WDR70: variants seen among roughly 807,000 people sequenced by gnomAD.
The protein encoded by WDR70 is WD repeat-containing protein 70.
Under a neutral mutation model 88.6 loss-of-function variants are expected in WDR70, and 53 were observed. That is an observed-to-expected ratio of 0.60 (90% CI 0.48 to 0.75). WDR70 has a LOEUF of 0.75. WDR70 is among the 30% of genes least tolerant of loss of function. The pLI is 0.00. For synonymous variants in WDR70, 280 were observed against 270.0 expected (o/e 1.04, Z -0.36); for missense variants, 610 against 823.2 (o/e 0.74, Z 3.17).
chr5:37,398,613 A>AT (rs1356518276), intron 5 of WDR70, among the ~76,000 whole-genome samples: 1 of 152,116 alleles, frequency 6.6e-6, no homozygotes, highest in Non-Finnish European at 1.5e-5. Context: ...TCTAATTTCA[A>AT]TTTTGTACAT....
intron 10 of WDR70, among the ~76,000 whole-genome samples, chr5:37,685,226 A>G (rs1746550181): frequency 6.6e-6 from 1 of 152,020 alleles, no homozygotes; most frequent in Admixed American, 6.6e-5. Flanking sequence ...CTTACCAGTA[A>G]CAGTGTTAGG....
chr5:37,663,518 T>C (rs1031775038), intron 10 of WDR70, among the ~76,000 whole-genome samples: 2 of 152,226 alleles, frequency 1.3e-5, no homozygotes, highest in Non-Finnish European at 2.9e-5. Context: ...TGGGCCTTCC[T>C]GGCCTTGGCA....
rs565764284 is a variant in WDR70 at position 37,484,407 on chromosome 5, C to T, written c.840+4420C>T. On this transcript the variant is annotated intron_variant, in intron 8 of 17. Transcript: ENST00000265107. ...GTCTCCACCAAAAAAATATGAAAAC[C>T]AGTCAGGCGTGGCGGCGCGCGCCTG... 5.1e-3 allele frequency among the ~76,000 whole-genome samples: 769 copies of T among 152,268 alleles called. 7 individuals are homozygous for T. Among genetic ancestry groups the T allele is most frequent in the South Asian group, 6.6e-3 (32 of 4,830 alleles).
chr5:37,622,882 A>T (rs1423307697), intron 10 of WDR70, among the ~76,000 whole-genome samples: 1 of 152,220 alleles, frequency 6.6e-6, no homozygotes, highest in African/African-American at 2.4e-5. Flanking sequence ...CCTAAAACTT[A>T]ATGTATAATA....
chr5:37,537,522 T>C (rs1741700620), intron 9 of WDR70, among the ~76,000 whole-genome samples: 1 of 152,162 alleles, frequency 6.6e-6, no homozygotes, highest in Non-Finnish European at 1.5e-5. Context: ...GTACATATAT[T>C]ATCCTTGGAG....
chr5:37,467,605 T>C (rs1013979150), intron 7 of WDR70, among the ~76,000 whole-genome samples: 3 of 151,814 alleles, frequency 2.0e-5, no homozygotes, highest in Non-Finnish European at 4.4e-5. Context: ...GGCACAATCT[T>C]GGCTCACTAC....
At chr5:37,744,481 A>C (rs1473531463) in intron 17 of WDR70, among the ~76,000 whole-genome samples, 2 of 152,038 alleles carry the variant, frequency 1.3e-5, no homozygotes, top group African/African-American at 2.4e-5. Flanking sequence ...AAAAGCTATG[A>C]TGAGCTAAAG....
Position 37,701,115 on chromosome 5 carries a change from C to T in WDR70, c.1250C>T (p.Ala417Val), listed in dbSNP as rs752126505. 3.7e-6 allele frequency: 6 copies of T among 1,610,752 alleles called. No individual in the cohort carries two copies. The highest frequency in any genetic ancestry group is 5.1e-6 in the Non-Finnish European group (6 of 1,177,256). Residue 417 changes from alanine (A) to valine (V), a missense_variant, in exon 12 of 18, where the codon GCC (alanine) becomes GTC (valine). Physicochemically the swap from Ala to Val is moderately conservative, Grantham distance 64. This residue lies in a region of WDR70 where 254 missense variants were observed against 300.7 expected (regional missense o/e 0.84). Coordinates refer to ENST00000265107, the MANE Select transcript of WDR70 (RefSeq NM_018034.4). ...IRQFNKPLFS[A>V]SGLPTMFPMT... Reference sequence around the variant, plus strand: ...CAATTTAATAAACCACTTTTTTCAGCCTCGGGTCTTCCCACCATGTTCCCA... The same window carrying T: ...CAATTTAATAAACCACTTTTTTCAGTCTCGGGTCTTCCCACCATGTTCCCA...
intron 7 of WDR70, among the ~76,000 whole-genome samples, chr5:37,456,710 A>G (rs12516683): frequency 0.26 from 39,596 of 152,154 alleles, 5,760 homozygotes; most frequent in East Asian, 0.48. Flanking sequence ...TTACTTTTAC[A>G]ACTTACAAAG....
At chr5:37,610,127 G>A (rs568850827) in intron 10 of WDR70, among the ~76,000 whole-genome samples, 4 of 152,030 alleles carry the variant, frequency 2.6e-5, no homozygotes, top group Non-Finnish European at 4.4e-5. Flanking sequence ...TTAGCTGGGC[G>A]TGGTGGCAGG....
Position 37,542,375 on chromosome 5 carries a change from G to T in WDR70, c.917+25785G>T, listed in dbSNP as rs946199338. Among the ~76,000 whole-genome samples, 7 of 151,784 alleles carry T rather than the reference G, an allele frequency of 4.6e-5. No individual in the cohort carries two copies. In the South Asian group the frequency reaches 1.5e-3, roughly 32 times the overall value. On this transcript the variant is annotated intron_variant, in intron 9 of 17. Coordinates refer to ENST00000265107, the MANE Select transcript of WDR70 (RefSeq NM_018034.4). ...GCTCACTGCAACCTCCACCTCCCGG[G>T]TTCAAGCAGTTCTCCTGCCTCAGCC...
intron 10 of WDR70, among the ~76,000 whole-genome samples, chr5:37,685,390 G>A (rs1746557080): frequency 6.6e-6 from 1 of 152,078 alleles, no homozygotes; most frequent in South Asian, 2.1e-4. Context: ...ACAGGGGGCT[G>A]CCCCACTGGA....
At chr5:37,457,081 T>TC (rs1384989209) in intron 7 of WDR70, among the ~76,000 whole-genome samples, 1 of 152,126 alleles carries the variant, frequency 6.6e-6, no homozygotes, top group Non-Finnish European at 1.5e-5. Context: ...GACTTTTTTT[T>TC]CCGCATAACA....
intron 7 of WDR70, among the ~76,000 whole-genome samples, chr5:37,461,271 A>G (rs1029062204): frequency 1.3e-5 from 2 of 151,972 alleles, no homozygotes; most frequent in African/African-American, 4.8e-5. Flanking sequence ...ACCGCTTATT[A>G]TTTTGCTCTT....
At chr5:37,608,797 A>C (rs565971763) in intron 10 of WDR70, among the ~76,000 whole-genome samples, 1 of 151,920 alleles carries the variant, frequency 6.6e-6, no homozygotes, top group African/African-American at 2.4e-5. Context: ...GGACTTAAGC[A>C]GTCTCCCCAC....
intron 10 of WDR70, among the ~76,000 whole-genome samples, chr5:37,674,695 G>A (rs1476790206): frequency 1.3e-5 from 2 of 152,016 alleles, no homozygotes; most frequent in African/African-American, 4.8e-5. Context: ...ATAAACATAC[G>A]TGTGCATGTG....
At chr5:37,411,723 C>G (rs1749532160) in intron 5 of WDR70, among the ~76,000 whole-genome samples, 1 of 151,900 alleles carries the variant, frequency 6.6e-6, no homozygotes, top group Admixed American at 6.6e-5. Context: ...GAGACTCCGT[C>G]TTGATTTGAA....
intron 10 of WDR70, among the ~76,000 whole-genome samples, chr5:37,626,429 T>A (rs200953073): frequency 6.6e-6 from 1 of 152,246 alleles, no homozygotes; most frequent in East Asian, 1.9e-4. Context: ...TTTGTATATG[T>A]TGAGACATCC....
intron 5 of WDR70, among the ~76,000 whole-genome samples, chr5:37,403,767 G>A (rs1267190438): frequency 6.6e-6 from 1 of 151,872 alleles, no homozygotes; most frequent in Admixed American, 6.6e-5. Flanking sequence ...AAACAGGCTG[G>A]AGTGCAGTGA....
Sources: gnomAD v4.1 joint callset for allele counts (sites outside exome capture counted in the v4.1 genomes callset) on GRCh38, gnomAD v4.1.1 for gene constraint, gnomAD v4.1.1 regional missense constraint, MANE v1.5 for transcripts, NCBI Gene and HGNC (gene_info 2026-07-23, HGNC 2026-07-21) for gene names.